Variants in TCTN1 observed in about 807,000 individuals in gnomAD.
TCTN1 encodes the protein tectonic family member 1.
Under a neutral mutation model 65.8 loss-of-function variants are expected in TCTN1, and 58 were observed. The observed-to-expected ratio is 0.88, with a 90% CI of 0.71 to 1.10. The LOEUF (loss-of-function observed/expected upper bound fraction) is 1.10, where lower values mean the gene tolerates loss of function less well. Among genes scored for constraint, TCTN1 ranks in the 50% least tolerant of loss-of-function variants. The pLI, the probability that TCTN1 is intolerant of heterozygous loss-of-function variation, is 0.00. For missense variants in TCTN1, 645 were observed against 719.4 expected (o/e 0.90, Z 1.18); for synonymous variants, 273 against 289.1 (o/e 0.94, Z 0.57).
chr12:110,644,793 G>T lies in TCTN1; in HGVS notation c.1332-174G>T, dbSNP rs1219068245. On this transcript the variant is annotated intron_variant, in intron 11 of 14. Coordinates refer to ENST00000397659, the MANE Select transcript of TCTN1 (RefSeq NM_001082538.3). The surrounding 1 kb of genome is among the most constrained non-coding windows in gnomAD (Gnocchi z 4.6). The stretch of plus-strand genomic sequence containing the variant: ...CTCTGGGAGGATTGCATGAGCCCAG[G>T]AGTTTGAGGCTGCAGGGAGCTATGA... The T allele has an allele frequency of 2.6e-5, 20 of 761,996 alleles. No homozygotes were observed. In the East Asian group the frequency reaches 5.0e-4, roughly 19 times the overall value. The allele number at this position is 761,996 out of a possible 1,614,324, so 47.2% of individuals were successfully genotyped here.
intron 2 of TCTN1, among the ~76,000 whole-genome samples, chr12:110,624,833 C>T (rs1045305953): frequency 5.9e-5 from 9 of 152,282 alleles, no homozygotes; most frequent in Middle Eastern, 3.4e-3. Flanking sequence ...CCGCTCACCT[C>T]GGCCTCCCAA....
At chr12:110,626,914 A>C (rs2065888209) in intron 3 of TCTN1, among the ~76,000 whole-genome samples, 1 of 151,232 alleles carries the variant, frequency 6.6e-6, no homozygotes, top group African/African-American at 2.4e-5. Flanking sequence ...CTGGGATTAC[A>C]GGCATGGGCC....
chr12:110,622,777 A>C (rs895348229), intron 2 of TCTN1, among the ~76,000 whole-genome samples: 1 of 152,180 alleles, frequency 6.6e-6, no homozygotes, highest in Non-Finnish European at 1.5e-5. Context: ...TGAAGTCCAC[A>C]GGGCCTGGGT....
intron 5 of TCTN1, chr12:110,634,460 T>C (rs1350411799): frequency 1.7e-6 from 1 of 597,646 alleles, no homozygotes; most frequent in Non-Finnish European, 3.1e-6. Flanking sequence ...GAGGATCACT[T>C]GAGGTGAGGA....
At chr12:110,618,353 G>A (rs1240296674) in intron 1 of TCTN1, among the ~76,000 whole-genome samples, 1 of 151,880 alleles carries the variant, frequency 6.6e-6, no homozygotes, top group African/African-American at 2.4e-5. Context: ...CCATTCTCCC[G>A]CCTCAGCCTC....
At chr12:110,646,470 C>A (rs1196210469) in intron 12 of TCTN1, 1 of 152,378 alleles carries the variant, frequency 6.6e-6, no homozygotes, top group Non-Finnish European at 1.5e-5. Flanking sequence ...ACGTACCCAG[C>A]CTGCAGCTTC....
intron 4 of TCTN1, among the ~76,000 whole-genome samples, chr12:110,630,957 CGTT>C (rs547662704): frequency 3.3e-5 from 5 of 151,828 alleles, no homozygotes; most frequent in South Asian, 4.2e-4. Context: ...GATAGAGCTG[CGTT>C]GTTGTTGTTG....
At chr12:110,647,428 GATT>G (rs1047980254) in intron 13 of TCTN1, 92 bp downstream of exon 13, 3 of 1,530,778 alleles carry the variant, frequency 2.0e-6, no homozygotes, top group Non-Finnish European at 2.7e-6. Context: ...TTGTGAAAAA[GATT>G]ATAATTTAAA....
Position 110,641,123 on chromosome 12 carries a change from C to T in TCTN1, c.1078C>T (p.Gln360Ter), listed in dbSNP as rs1195031376. 1 of 1,614,160 alleles carries T rather than the reference C, an allele frequency of 6.2e-7. No individual in the cohort carries two copies. The highest frequency in any genetic ancestry group is 8.5e-7 in the Non-Finnish European group (1 of 1,180,038). ...TAGCAGCGTAGTGGTCCCACTGCAG[C>T]AAAAGTTTGAAATTCATTTTCTTCA... ...TVSSVVVPLQ[Q>*]KFEIHFLQEN... The change falls in exon 9 of 15, where the codon CAA becomes TAA. Residue 360 changes from glutamine to a stop codon, truncating the protein, a stop_gained. Coordinates refer to ENST00000397659, the MANE Select transcript of TCTN1 (RefSeq NM_001082538.3). LOFTEE classifies it high-confidence loss of function.
At chr12:110,636,666 T>C (rs1183394849) in intron 7 of TCTN1, among the ~76,000 whole-genome samples, 165 bp downstream of exon 7, 1 of 152,134 alleles carries the variant, frequency 6.6e-6, no homozygotes, top group Non-Finnish European at 1.5e-5. Flanking sequence ...GGGAAACTCC[T>C]TAGTGGGAGT....
chr12:110,641,345 C>G (rs761368918), intron 9 of TCTN1, among the ~76,000 whole-genome samples, 196 bp downstream of exon 9: 52 of 152,166 alleles, frequency 3.4e-4, no homozygotes, highest in Non-Finnish European at 6.9e-4. Flanking sequence ...AAAAGATTCC[C>G]TTCCACATTA....
At chr12:110,617,014 C>G (rs1184623177) in intron 1 of TCTN1, 1 of 152,188 alleles carries the variant, frequency 6.6e-6, no homozygotes, top group Non-Finnish European at 1.5e-5. Flanking sequence ...GGGTAGAAAC[C>G]TTTTTCCTAA....
intron 6 of TCTN1, chr12:110,636,236 A>G (rs2066558452): frequency 4.4e-6 from 2 of 457,074 alleles, no homozygotes; most frequent in South Asian, 2.1e-5. Flanking sequence ...CCTTCCTGAG[A>G]CTAGCTTGGT....
chr12:110,642,438 A>G, intron 11 of TCTN1, 49 bp downstream of exon 11: 1 of 1,613,886 alleles, frequency 6.2e-7, no homozygotes, highest in South Asian at 1.1e-5. Flanking sequence ...TCAGAAAACA[A>G]AGCATTCTCA....
intron 11 of TCTN1, chr12:110,643,937 G>A (rs2067134145): frequency 6.6e-6 from 1 of 152,250 alleles, no homozygotes; most frequent in Non-Finnish European, 1.5e-5. Context: ...CTCCCAACAT[G>A]TTGGGATTAC....
chr12:110,625,150 G>C (rs1378178987), intron 2 of TCTN1, among the ~76,000 whole-genome samples: 2 of 152,172 alleles, frequency 1.3e-5, no homozygotes, highest in African/African-American at 4.8e-5. Flanking sequence ...TTATCTAATT[G>C]ATGCTATCAG....
chr12:110,614,153 G>A lies in TCTN1; in HGVS notation c.-30G>A, dbSNP rs1212891843. On this transcript the variant is annotated 5_prime_UTR_variant, in exon 1 of 15. An upstream start codon of the reference 5' UTR is lost. Coordinates refer to ENST00000397659, the MANE Select transcript of TCTN1 (RefSeq NM_001082538.3). ...GGTTGCCGGGCAACGCGCTGTCCAT[G>A]TCGCGGGCCTCGCTGGGACTCCCTG... The A allele has an allele frequency of 1.9e-6, 3 of 1,546,372 alleles. No homozygotes were observed. The South Asian group carries it at 3.6e-5, about 18-fold the overall frequency.
chr12:110,628,630 T>C, intron 3 of TCTN1, 137 bp from the exon 4 acceptor site: 1 of 819,274 alleles, frequency 1.2e-6, no homozygotes, highest in Non-Finnish European at 1.9e-6. Flanking sequence ...CGTGAGCCCA[T>C]GCGCCCAGCC....
At chr12:110,624,735 G>A (rs11065682) in intron 2 of TCTN1, among the ~76,000 whole-genome samples, 34,447 of 151,862 alleles carry the variant, frequency 0.23, 5,132 homozygotes, top group East Asian at 0.57. Context: ...ATGCCACCAC[G>A]CCTGGCTAAT....
Sources: gnomAD v4.1 joint callset for allele counts (sites outside exome capture counted in the v4.1 genomes callset) on GRCh38, gnomAD v4.1.1 for gene constraint, Gnocchi (gnomAD v3.1) non-coding constraint, MANE v1.5 for transcripts, NCBI Gene and HGNC (gene_info 2026-07-23, HGNC 2026-07-21) for gene names.